TMEM132E: variants seen among roughly 807,000 people sequenced by gnomAD.
TMEM132E encodes the protein transmembrane protein 132E.
TMEM132E carries 49 observed loss-of-function variants against 78.5 expected under a neutral mutation model. The ratio of observed to expected loss-of-function variants is 0.62; its 90% confidence interval spans 0.50 to 0.79. The LOEUF is 0.79. TMEM132E is among the 30% of genes least tolerant of loss of function. TMEM132E has a pLI of 0.00. For missense variants in TMEM132E, 1,403 were observed against 1,470.9 expected, an observed-to-expected ratio of 0.95 and a Z score of 0.75; for synonymous variants, 715 against 670.6, an observed-to-expected ratio of 1.07 and a Z score of -1.02.
At chr17:34,600,103 T>C (rs1054114706) in intron 1 of TMEM132E, among the ~76,000 whole-genome samples, 11 of 152,246 alleles carry the variant, frequency 7.2e-5, no homozygotes, top group African/African-American at 2.7e-4. Flanking sequence ...CTTTATTCAC[T>C]TCCTATCTTC....
intron 5 of TMEM132E, among the ~76,000 whole-genome samples, chr17:34,632,084 C>T (rs1907364136): frequency 6.6e-6 from 1 of 152,200 alleles, no homozygotes; most frequent in Non-Finnish European, 1.5e-5. Context: ...AGCCATTCAC[C>T]CGTCTGTGCT....
At chr17:34,597,508 G>A (rs1019623997) in intron 1 of TMEM132E, among the ~76,000 whole-genome samples, 3 of 152,140 alleles carry the variant, frequency 2.0e-5, no homozygotes, top group African/African-American at 7.2e-5. Context: ...CCGACTGTGT[G>A]CCAGACACTG....
In TMEM132E at chr17:34,638,266, C is replaced by CCCCA. The variant is rs1555565384; in HGVS notation, c.*35_*36insCCAC. On this transcript the variant is annotated 3_prime_UTR_variant, in exon 9 of 9. Transcript: ENST00000631683. ...GCCGGAGTAGCAGGGACCCCCCCCC[C>CCCCA]CAACGGGGTCAGCTCGGGGTAGGAC... 2.3e-4 allele frequency: 337 copies of CCCCA among 1,463,278 alleles called. No individual in the cohort carries two copies. The highest frequency in any genetic ancestry group is 1.4e-3 in the South Asian group (99 of 70,246). 90.6% of individuals were successfully genotyped at this position (1,463,278 alleles called of 1,614,324 possible).
intron 1 of TMEM132E, among the ~76,000 whole-genome samples, chr17:34,612,859 G>A (rs113006848): frequency 0.011 from 1,737 of 151,958 alleles, 39 homozygotes; most frequent in South Asian, 0.07. Flanking sequence ...CTTTGGTTCC[G>A]TCACTGGGGG....
intron 1 of TMEM132E, among the ~76,000 whole-genome samples, chr17:34,589,770 C>T (rs1905801196): frequency 6.6e-6 from 1 of 152,186 alleles, no homozygotes; most frequent in Non-Finnish European, 1.5e-5. Context: ...CGCATGACGG[C>T]TGCAGCCCAC....
chr17:34,617,052 G>A (rs1238925873), intron 1 of TMEM132E, among the ~76,000 whole-genome samples: 1 of 152,188 alleles, frequency 6.6e-6, no homozygotes, highest in Non-Finnish European at 1.5e-5. Flanking sequence ...GCTTAGGGAA[G>A]GCAGTGTTCA....
intron 1 of TMEM132E, among the ~76,000 whole-genome samples, chr17:34,625,918 A>T (rs1006894126): frequency 1.3e-5 from 2 of 152,198 alleles, no homozygotes; most frequent in Non-Finnish European, 2.9e-5. Context: ...TTCACATACC[A>T]GCAAAGGGGG....
At chr17:34,589,851 G>T (rs2142051230) in intron 1 of TMEM132E, among the ~76,000 whole-genome samples, 1 of 152,320 alleles carries the variant, frequency 6.6e-6, no homozygotes, top group East Asian at 1.9e-4. Flanking sequence ...ACTGGAGAGA[G>T]GCTGGCTTAT....
At chr17:34,632,584 C>G in intron 5 of TMEM132E, 120 bp from the exon 6 acceptor site, 1 of 971,058 alleles carries the variant, frequency 1.0e-6, no homozygotes, top group South Asian at 1.5e-5. Context: ...CCACTGGCCT[C>G]CTCCCCTTCA....
At chr17:34,602,173 G>C (rs1597680299) in intron 1 of TMEM132E, among the ~76,000 whole-genome samples, 2 of 152,270 alleles carry the variant, frequency 1.3e-5, no homozygotes, top group African/African-American at 4.8e-5. Flanking sequence ...TCTCCAGAGA[G>C]AGACAGCTGC....
chr17:34,636,729 A>T (rs558377160), intron 8 of TMEM132E, among the ~76,000 whole-genome samples: 2 of 152,288 alleles, frequency 1.3e-5, no homozygotes, highest in African/African-American at 4.8e-5. Context: ...AGGGAGGGCA[A>T]TCCTCAGAAG....
intron 1 of TMEM132E, among the ~76,000 whole-genome samples, chr17:34,586,711 C>A (rs1905693436): frequency 6.6e-6 from 1 of 151,844 alleles, no homozygotes; most frequent in African/African-American, 2.4e-5. Context: ...GGCTAGCAGA[C>A]AACCCAGCAA....
intron 1 of TMEM132E, among the ~76,000 whole-genome samples, chr17:34,582,931 C>G (rs538000340): frequency 3.9e-5 from 6 of 152,240 alleles, no homozygotes; most frequent in African/African-American, 1.4e-4. Context: ...ATTAGGGTCC[C>G]TCTGCCCACC....
intron 1 of TMEM132E, among the ~76,000 whole-genome samples, chr17:34,587,210 C>T (rs940159355): frequency 6.6e-6 from 1 of 152,200 alleles, no homozygotes; most frequent in Non-Finnish European, 1.5e-5. Flanking sequence ...CCCCACGGGG[C>T]CCTGGCCCTG....
At chr17:34,612,830 GC>G (rs1281975764) in intron 1 of TMEM132E, among the ~76,000 whole-genome samples, 1 of 151,966 alleles carries the variant, frequency 6.6e-6, no homozygotes, top group Non-Finnish European at 1.5e-5. Context: ...TTTTGGGGAA[GC>G]CTTTCAGCCT....
At chr17:34,596,322 C>T (rs541504171) in intron 1 of TMEM132E, among the ~76,000 whole-genome samples, 1 of 152,282 alleles carries the variant, frequency 6.6e-6, no homozygotes, top group South Asian at 2.1e-4. Context: ...TCATGATTCC[C>T]ATTATGTGGA....
chr17:34,610,334 T>C (rs1906547939), intron 1 of TMEM132E, among the ~76,000 whole-genome samples: 2 of 152,242 alleles, frequency 1.3e-5, no homozygotes. Flanking sequence ...TGAATATCTT[T>C]ACTGGGTGTC....
intron 4 of TMEM132E, 127 bp from the exon 5 acceptor site, chr17:34,629,881 G>A (rs1907292753): frequency 2.7e-6 from 3 of 1,109,908 alleles, no homozygotes; most frequent in East Asian, 5.5e-5. Flanking sequence ...ACGGGTGCAA[G>A]TGTCCCCACT....
intron 1 of TMEM132E, among the ~76,000 whole-genome samples, chr17:34,621,575 G>T (rs981808033): frequency 6.6e-6 from 1 of 152,150 alleles, no homozygotes; most frequent in East Asian, 1.9e-4. Flanking sequence ...ACATGGAGAA[G>T]CCCCTTTTCT....
Sources: gnomAD v4.1 joint callset for allele counts (sites outside exome capture counted in the v4.1 genomes callset) on GRCh38, gnomAD v4.1.1 for gene constraint, MANE v1.5 for transcripts, NCBI Gene and HGNC (gene_info 2026-07-23, HGNC 2026-07-21) for gene names.